Variants in SDK1 observed in about 807,000 individuals in gnomAD.
The protein encoded by SDK1 is protein sidekick-1.
In SDK1, 157 loss-of-function variants were observed where a neutral mutation model predicts 245.5. The ratio of observed to expected loss-of-function variants is 0.64; its 90% CI spans 0.56 to 0.73. SDK1 has a LOEUF of 0.73. Among genes scored for constraint, SDK1 ranks in the 30% least tolerant of loss-of-function variants. SDK1 has a pLI of 0.00. For synonymous variants in SDK1, 1,647 were observed against 1,278.5 expected (o/e 1.29, Z -6.15); for missense variants, 3,583 against 3,002.3 (o/e 1.19, Z -4.52).
At chr7:3,351,007 A>C (rs2128557880) in intron 1 of SDK1, among the ~76,000 whole-genome samples, 1 of 152,324 alleles carries the variant, frequency 6.6e-6, no homozygotes, top group Non-Finnish European at 1.5e-5. Context: ...CTGATACTAC[A>C]TACATAAATA....
intron 4 of SDK1, among the ~76,000 whole-genome samples, chr7:3,759,559 CTGT>C (rs1398718376): frequency 7.3e-5 from 11 of 150,688 alleles, no homozygotes; most frequent in Admixed American, 6.6e-4. Context: ...TTAGTTTTCT[CTGT>C]TTTTTCTTTT....
At chr7:3,951,110 C>G (rs1348799715) in intron 6 of SDK1, 76 bp downstream of exon 6, 1 of 1,111,780 alleles carries the variant, frequency 9.0e-7, no homozygotes, top group East Asian at 2.4e-5. Context: ...GAAGGATACA[C>G]TGGAGCATGA....
chr7:4,130,249 A>G, intron 27 of SDK1, 152 bp downstream of exon 27: 1 of 856,058 alleles, frequency 1.2e-6, no homozygotes, highest in Non-Finnish European at 1.7e-6. Context: ...TTTTTCAGTC[A>G]CTGAGCACTT....
At chr7:4,162,509 C>T (rs1241158808) in intron 32 of SDK1, among the ~76,000 whole-genome samples, 1 of 151,892 alleles carries the variant, frequency 6.6e-6, no homozygotes, top group East Asian at 1.9e-4. Context: ...AAGCGATTCT[C>T]CTGCCTCAGC....
At position 4,145,934 on chromosome 7, in the gene SDK1, C is replaced by T. The variant is rs759117348; in HGVS notation, c.4423+18C>T. 12 of 1,580,942 alleles carry T rather than the reference C, an allele frequency of 7.6e-6. No homozygotes were observed. The highest frequency in any genetic ancestry group is 1.7e-6 in the Non-Finnish European group (2 of 1,163,652). Reference sequence around the variant, plus strand: ...GAAGAGAGGTAAGACCTTGGGGGACCCGGGGGTACTGCAGATGTTGTGGGC... The same window carrying T: ...GAAGAGAGGTAAGACCTTGGGGGACTCGGGGGTACTGCAGATGTTGTGGGC... On this transcript the variant is annotated intron_variant, in intron 29 of 44. Transcript: ENST00000404826.
intron 1 of SDK1, among the ~76,000 whole-genome samples, chr7:3,382,366 C>G (rs144045921): frequency 1.3e-5 from 2 of 152,148 alleles, no homozygotes; most frequent in Non-Finnish European, 2.9e-5. Flanking sequence ...GAATTTGAAC[C>G]ACGTATCTGA....
At chr7:4,148,916 C>T (rs570823883) in intron 29 of SDK1, among the ~76,000 whole-genome samples, 2 of 152,228 alleles carry the variant, frequency 1.3e-5, no homozygotes, top group African/African-American at 4.8e-5. Flanking sequence ...ATTAGCTGGG[C>T]GTGGTGGTGC....
At chr7:4,195,829 C>T (rs1401904155) in intron 35 of SDK1, among the ~76,000 whole-genome samples, 2 of 152,148 alleles carry the variant, frequency 1.3e-5, no homozygotes, top group Non-Finnish European at 2.9e-5. Flanking sequence ...TCCCCAGCCT[C>T]TCGGCAGCAG....
At chr7:3,367,383 T>C (rs1781119269) in intron 1 of SDK1, among the ~76,000 whole-genome samples, 1 of 152,174 alleles carries the variant, frequency 6.6e-6, no homozygotes, top group Non-Finnish European at 1.5e-5. Flanking sequence ...GTTTGCATTC[T>C]CTAGCTGCTC....
intron 1 of SDK1, among the ~76,000 whole-genome samples, chr7:3,388,234 G>A (rs1054877194): frequency 6.6e-6 from 1 of 151,672 alleles, no homozygotes; most frequent in Non-Finnish European, 1.5e-5. Context: ...TGCTGTGGAT[G>A]TGTATATATT....
intron 21 of SDK1, among the ~76,000 whole-genome samples, chr7:4,079,063 G>A (rs982229510): frequency 6.6e-6 from 1 of 152,222 alleles, no homozygotes; most frequent in African/African-American, 2.4e-5. Flanking sequence ...CGGTAATTAT[G>A]AAAGGAAGTA....
chr7:3,456,979 C>T (rs1780688932), intron 1 of SDK1, among the ~76,000 whole-genome samples: 1 of 152,120 alleles, frequency 6.6e-6, no homozygotes. Flanking sequence ...TAGGACTCCC[C>T]CGATCCTTGC....
At chr7:3,921,047 C>T (rs1192843111) in intron 5 of SDK1, among the ~76,000 whole-genome samples, 1 of 152,064 alleles carries the variant, frequency 6.6e-6, no homozygotes, top group African/African-American at 2.4e-5. Flanking sequence ...TATGGGAACA[C>T]AGAGCTCATT....
chr7:3,538,460 C>A (rs1200572189), intron 1 of SDK1, among the ~76,000 whole-genome samples: 1 of 152,128 alleles, frequency 6.6e-6, no homozygotes, highest in Admixed American at 6.5e-5. Context: ...GTTCAGAAAT[C>A]TGAATTTCCT....
chr7:3,548,573 T>G (rs1343329220), intron 1 of SDK1, among the ~76,000 whole-genome samples: 1 of 152,232 alleles, frequency 6.6e-6, no homozygotes, highest in Non-Finnish European at 1.5e-5. Context: ...GATACATGAT[T>G]ATTTTCTTTT....
intron 4 of SDK1, among the ~76,000 whole-genome samples, chr7:3,756,982 C>T (rs923806109): frequency 5.3e-5 from 8 of 151,736 alleles, no homozygotes; most frequent in Non-Finnish European, 7.4e-5. Context: ...TTTTTTTTTC[C>T]GTATCCTATT....
rs1780093180 is a variant in SDK1 at position 3,332,492 on chromosome 7, C to G, written c.298+30608C>G. Among the ~76,000 whole-genome samples the G allele has an allele frequency of 2.6e-5, 4 of 152,162 alleles. No individual in the cohort carries two copies. In the South Asian group the frequency reaches 8.3e-4, roughly 32 times the overall value. On this transcript the variant is annotated intron_variant, in intron 1 of 44. Coordinates refer to ENST00000404826, the MANE Select transcript of SDK1 (RefSeq NM_152744.4). ...TTCACATTTCTCATAAGTAGTAAGT[C>G]TCCTAAAGCGAAGTCAGAGTCATTA...
chr7:4,194,308 GTATACA>G (rs1407047552), intron 35 of SDK1, among the ~76,000 whole-genome samples: 3 of 98,804 alleles, frequency 3.0e-5, no homozygotes, highest in African/African-American at 1.2e-4. Flanking sequence ...GTGTATACAT[GTATACA>G]TATATGTATG....
chr7:3,990,095 G>T (rs747432507), intron 14 of SDK1, among the ~76,000 whole-genome samples: 47 of 152,368 alleles, frequency 3.1e-4, no homozygotes, highest in Admixed American at 6.5e-4. Context: ...GTTGGTCTGT[G>T]TGGACGTGGA....
Sources: gnomAD v4.1 joint callset for allele counts (sites outside exome capture counted in the v4.1 genomes callset) on GRCh38, gnomAD v4.1.1 for gene constraint, MANE v1.5 for transcripts, NCBI Gene and HGNC (gene_info 2026-07-23, HGNC 2026-07-21) for gene names.